ERCC6L2: variants seen among roughly 807,000 people sequenced by gnomAD.
The protein encoded by ERCC6L2 is ERCC excision repair 6 like 2, also known as DNA excision repair protein ERCC-6-like 2.
ERCC6L2 carries 77 observed loss-of-function variants against 132.0 expected under a neutral mutation model. The observed-to-expected ratio is 0.58, with a 90% CI of 0.49 to 0.71. The LOEUF (loss-of-function observed/expected upper bound fraction) is 0.71, where lower values mean the gene tolerates loss of function less well. Ranked by LOEUF, ERCC6L2 falls within the 30% of genes least tolerant of loss-of-function variation. The probability of loss-of-function intolerance (pLI) is 0.00; values close to 1 mark genes in which losing one functional copy is unlikely to be tolerated. For synonymous variants in ERCC6L2, 583 were observed against 632.4 expected, an observed-to-expected ratio of 0.92 and a Z score of 1.17; for missense variants, 1,542 against 1,837.6, an observed-to-expected ratio of 0.84 and a Z score of 2.94.
At chr9:95,975,293 A>G (rs957419441) in intron 16 of ERCC6L2, among the ~76,000 whole-genome samples, 1 of 152,110 alleles carries the variant, frequency 6.6e-6, no homozygotes, top group Non-Finnish European at 1.5e-5. Context: ...TGTCTAGTAG[A>G]TTGCTCAAGA....
chr9:96,040,932 A>C (rs1342332299), intron 20 of ERCC6L2, among the ~76,000 whole-genome samples: 1 of 152,214 alleles, frequency 6.6e-6, no homozygotes, highest in Non-Finnish European at 1.5e-5. Context: ...TCTTGAGGGA[A>C]GTTGTTTATG....
rs1300862787 is a variant in ERCC6L2, at chr9:95,915,792, C to T, written c.913C>T (p.Gln305Ter). ...CATTGGCCTCACTGGAACCATCCTT[C>T]AGAACAACATGAAGGAACTGTGGTG... ...VRIGLTGTILQNNMKELWCVM... is the reference protein window; with the variant it reads ...VRIGLTGTIL The change falls in exon 5 of 19, where the codon CAG (glutamine) becomes TAG (stop). Residue 305 changes from glutamine to a stop codon, truncating the protein, a stop_gained. Transcript: ENST00000653738. LOFTEE classifies it high-confidence loss of function. 1 of 1,613,214 alleles carries T rather than the reference C, an allele frequency of 6.2e-7. No individual in the cohort carries two copies. Among genetic ancestry groups the T allele is most frequent in the Non-Finnish European group, 8.5e-7 (1 of 1,179,740 alleles).
intron 13 of ERCC6L2, among the ~76,000 whole-genome samples, chr9:95,964,308 G>A (rs2133042060): frequency 6.6e-6 from 1 of 152,218 alleles, no homozygotes; most frequent in Non-Finnish European, 1.5e-5. Flanking sequence ...TTTGGCCAAT[G>A]GGAACCCATT....
intron 13 of ERCC6L2, among the ~76,000 whole-genome samples, chr9:95,959,375 T>C (rs1831788449): frequency 6.6e-6 from 1 of 151,728 alleles, no homozygotes. Flanking sequence ...ATACAAAAAT[T>C]AATTCAAGAT....
intron 17 of ERCC6L2, among the ~76,000 whole-genome samples, chr9:95,988,896 C>G (rs902842107): frequency 6.6e-6 from 1 of 152,242 alleles, no homozygotes; most frequent in African/African-American, 2.4e-5. Context: ...TTTGTTTTAC[C>G]TGTGCTTCTA....
At chr9:95,904,496 G>C (rs1339123336) in intron 3 of ERCC6L2, among the ~76,000 whole-genome samples, 3 of 152,212 alleles carry the variant, frequency 2.0e-5, no homozygotes, top group East Asian at 3.9e-4. Flanking sequence ...AAGAGTTTTA[G>C]AATTAGGCAG....
intron 11 of ERCC6L2, among the ~76,000 whole-genome samples, chr9:95,935,844 T>C (rs1013120250): frequency 6.6e-6 from 1 of 152,170 alleles, no homozygotes; most frequent in African/African-American, 2.4e-5. Flanking sequence ...TAATTTGAAC[T>C]ACAATGCTTT....
chr9:95,891,589 GTTTC>G (rs1292265446), intron 2 of ERCC6L2, among the ~76,000 whole-genome samples: 1 of 144,486 alleles, frequency 6.9e-6, no homozygotes, highest in Non-Finnish European at 1.5e-5. Flanking sequence ...GTAATTCAGT[GTTTC>G]TTTTTTTTTT....
At chr9:96,026,360 G>C (rs1043834504) in intron 19 of ERCC6L2, among the ~76,000 whole-genome samples, 3 of 152,180 alleles carry the variant, frequency 2.0e-5, no homozygotes, top group African/African-American at 7.2e-5. Context: ...GAAGGCTCAG[G>C]GCCTGGTAGC....
At chr9:95,897,650 G>T (rs1828538418) in intron 2 of ERCC6L2, among the ~76,000 whole-genome samples, 199 bp from the exon 3 acceptor site, 1 of 152,056 alleles carries the variant, frequency 6.6e-6, no homozygotes. Context: ...GTAATGTGAG[G>T]ATTTTTGTTT....
At position 96,015,677 on chromosome 9, in the gene ERCC6L2, C is replaced by T. The variant is rs571013855; in HGVS notation, c.*2474C>T. Among the ~76,000 whole-genome samples the T allele has an allele frequency of 4.2e-4, 63 of 150,192 alleles. No individual in the cohort carries two copies. Among genetic ancestry groups the T allele is most frequent in the African/African-American group, 1.5e-3 (61 of 41,018 alleles). On this transcript the variant is annotated 3_prime_UTR_variant, in exon 19 of 19. Coordinates refer to ENST00000653738, the MANE Select transcript of ERCC6L2 (RefSeq NM_020207.7). ...AATTAGCCAGGCGTGGTGGTGGGCG[C>T]CTGTAGTCCCAGCTACTCGGGAGGC...
chr9:95,907,857 C>CAAACACACA, intron 4 of ERCC6L2, among the ~76,000 whole-genome samples: 2 of 133,816 alleles, frequency 1.5e-5, no homozygotes, highest in South Asian at 2.5e-4. Context: ...ACACACACAC[C>CAAACACACA]CCCACACCCA....
chr9:95,927,565 G>C (rs1311235185), intron 9 of ERCC6L2, among the ~76,000 whole-genome samples: 4 of 152,092 alleles, frequency 2.6e-5, no homozygotes, highest in Non-Finnish European at 5.9e-5. Context: ...ACTGTAAATA[G>C]AGAAACAAAG....
rs1487637316 is a variant in ERCC6L2 at position 95,954,803 on chromosome 9, G to A, written c.1848-1111G>A. On this transcript the variant is annotated intron_variant, in intron 12 of 18. Transcript: ENST00000653738. ...CTCCTGGGTTGCAGAATGGAAGTGA[G>A]AATGCAGTACCTTACCCCTGGTGGT... The A allele has an allele frequency of 1.7e-5, 8 of 471,042 alleles. No individual in the cohort carries two copies. The Admixed American group carries it at 1.9e-4, about 11-fold the overall frequency. 29.2% of individuals were successfully genotyped at this position (471,042 alleles called of 1,614,324 possible).
At chr9:95,989,036 C>T (rs975263551) in intron 17 of ERCC6L2, among the ~76,000 whole-genome samples, 1 of 152,140 alleles carries the variant, frequency 6.6e-6, no homozygotes, top group Non-Finnish European at 1.5e-5. Context: ...AAGAGCTGCG[C>T]AGGGTAAGGT....
At chr9:95,981,762 G>A (rs1832902717) in intron 17 of ERCC6L2, among the ~76,000 whole-genome samples, 1 of 152,134 alleles carries the variant, frequency 6.6e-6, no homozygotes, top group African/African-American at 2.4e-5. Context: ...TGTTTGTGAT[G>A]TGATACCTCC....
intron 2 of ERCC6L2, among the ~76,000 whole-genome samples, chr9:95,892,424 CTTTTTTT>C (rs532088236): frequency 8.7e-6 from 1 of 115,144 alleles, no homozygotes. Flanking sequence ...GTGTATAAAT[CTTTTTTT>C]TTTTTTTTTT....
intron 12 of ERCC6L2, among the ~76,000 whole-genome samples, chr9:95,947,113 A>G (rs557323045): frequency 2.0e-4 from 31 of 152,352 alleles, no homozygotes; most frequent in African/African-American, 7.0e-4. Flanking sequence ...GATTAAGCTT[A>G]GTGAGGAGGG....
intron 2 of ERCC6L2, 149 bp downstream of exon 2, chr9:95,881,442 T>G: frequency 1.9e-6 from 1 of 514,628 alleles, no homozygotes; most frequent in Non-Finnish European, 3.2e-6. Flanking sequence ...GATAGTGAAG[T>G]CCTCAAAGTT....
Sources: gnomAD v4.1 joint callset for allele counts (sites outside exome capture counted in the v4.1 genomes callset) on GRCh38, gnomAD v4.1.1 for gene constraint, MANE v1.5 for transcripts, NCBI Gene and HGNC (gene_info 2026-07-23, HGNC 2026-07-21) for gene names.